The following COPS2 variants were observed in gnomAD, a reference collection of about 807,000 sequenced individuals.
COPS2 encodes COP9 signalosome subunit 2.
A neutral mutation model predicts 66.1 loss-of-function variants in COPS2; 10 were observed. That is an observed-to-expected ratio of 0.15 (90% CI 0.09 to 0.26). COPS2 has a LOEUF of 0.26. COPS2 is among the 10% of genes least tolerant of loss of function. The probability of loss-of-function intolerance (pLI) is 1.00; values close to 1 mark genes in which losing one functional copy is unlikely to be tolerated. For missense variants in COPS2, 215 were observed against 513.3 expected (o/e 0.42, Z 5.62); for synonymous variants, 179 against 171.3 (o/e 1.04, Z -0.35).
intron 10 of COPS2, 91 bp downstream of exon 10, chr15:49,130,628 A>G (rs2084200771): frequency 1.4e-6 from 1 of 693,096 alleles, no homozygotes; most frequent in African/African-American, 1.8e-5. Flanking sequence ...GACAGAAAGA[A>G]AACAGCTTAA....
chr15:49,155,380 G>T, intron 1 of COPS2, 145 bp downstream of exon 1: 2 of 705,232 alleles, frequency 2.8e-6, no homozygotes, highest in South Asian at 1.7e-5. Context: ...TGCGGGAACG[G>T]GGAGGAGGTA....
intron 1 of COPS2, among the ~76,000 whole-genome samples, 159 bp downstream of exon 1, chr15:49,155,366 C>G (rs1358024610): frequency 6.6e-6 from 1 of 152,176 alleles, no homozygotes; most frequent in Non-Finnish European, 1.5e-5. Flanking sequence ...GGGCCCGGGC[C>G]CGGTGCGGGA....
Position 49,129,467 on chromosome 15 carries a change from A to C in COPS2, c.1128+10T>G, listed in dbSNP as rs2084193610. On this transcript the variant is annotated intron_variant, in intron 11 of 12. Coordinates refer to ENST00000388901, the MANE Select transcript of COPS2 (RefSeq NM_004236.4). ...TTATAAACATCATTAAAATCTATGA[A>C]TATAAGTACCTTAGAAATAAAAGGA... 8.6e-7 allele frequency: 1 copy of C among 1,156,474 alleles called. No individual in the cohort carries two copies. Among genetic ancestry groups the C allele is most frequent in the Admixed American group, 3.0e-5 (1 of 33,188 alleles). 71.6% of individuals were successfully genotyped at this position (1,156,474 alleles called of 1,614,324 possible).
intron 2 of COPS2, among the ~76,000 whole-genome samples, chr15:49,144,612 G>T (rs1342021004): frequency 1.3e-5 from 2 of 152,168 alleles, no homozygotes; most frequent in Non-Finnish European, 2.9e-5. Flanking sequence ...ATCCGTAAGT[G>T]TATCAGTAAG....
At chr15:49,144,539 CTTGA>C (rs147435083) in intron 2 of COPS2, among the ~76,000 whole-genome samples, 9,411 of 152,170 alleles carry the variant, frequency 0.062, 573 homozygotes, top group African/African-American at 0.15. Context: ...AGAGCCACTT[CTTGA>C]TTATTATATA....
intron 4 of COPS2, among the ~76,000 whole-genome samples, chr15:49,138,999 C>T (rs1221831079): frequency 6.6e-6 from 1 of 152,114 alleles, no homozygotes; most frequent in Non-Finnish European, 1.5e-5. Flanking sequence ...ATAATGAAAG[C>T]ACTATCACTC....
rs996135376 is a variant in COPS2 at position 49,126,191 on chromosome 15, T to C, written c.*1759A>G. On this transcript the variant is annotated 3_prime_UTR_variant, in exon 13 of 13. Transcript: ENST00000388901. ...AAATACACATAATTTTATAATATCT[T>C]AAACTTTTATTCCCTACCATAGACA... 1.7e-4 allele frequency: 26 copies of C among 152,494 alleles called. No individual in the cohort carries two copies. The highest frequency in any genetic ancestry group is 6.0e-4 in the African/African-American group (25 of 41,448). The allele number at this position is 152,494 out of a possible 1,614,324, so 9.4% of individuals were successfully genotyped here. A position where few individuals can be genotyped will look rare whatever the true frequency, so the allele number is the denominator to read the frequency against.
intron 10 of COPS2, among the ~76,000 whole-genome samples, chr15:49,130,262 A>G (rs1055400012): frequency 6.6e-6 from 1 of 152,174 alleles, no homozygotes; most frequent in African/African-American, 2.4e-5. Flanking sequence ...GTAATTCAAT[A>G]TAACTTGCTA....
At chr15:49,147,242 A>G (rs1217680933) in intron 1 of COPS2, among the ~76,000 whole-genome samples, 1 of 152,218 alleles carries the variant, frequency 6.6e-6, no homozygotes, top group East Asian at 1.9e-4. Flanking sequence ...AGATAGAGGA[A>G]TAGCTTGCTG....
chr15:49,151,430 T>C (rs1241221025), intron 1 of COPS2, among the ~76,000 whole-genome samples: 1 of 151,618 alleles, frequency 6.6e-6, no homozygotes, highest in African/African-American at 2.4e-5. Context: ...TATTCAAATA[T>C]ATAATATCCT....
chr15:49,144,107 C>T, intron 3 of COPS2, 120 bp downstream of exon 3: 1 of 709,552 alleles, frequency 1.4e-6, no homozygotes, highest in South Asian at 1.6e-5. Flanking sequence ...GCAGAGCAGA[C>T]TAAATATAAA....
chr15:49,148,429 A>C (rs1404159005), intron 1 of COPS2, among the ~76,000 whole-genome samples: 1 of 152,244 alleles, frequency 6.6e-6, no homozygotes, highest in Non-Finnish European at 1.5e-5. Flanking sequence ...AAGTATGAAT[A>C]GGAATCGCCA....
At chr15:49,132,714 C>A (rs1229432467) in intron 9 of COPS2, among the ~76,000 whole-genome samples, 1 of 151,728 alleles carries the variant, frequency 6.6e-6, no homozygotes, top group East Asian at 1.9e-4. Flanking sequence ...GAATAAAACC[C>A]ACAAAAACCC....
intron 10 of COPS2, among the ~76,000 whole-genome samples, chr15:49,130,309 G>A (rs564079293): frequency 6.6e-6 from 1 of 152,118 alleles, no homozygotes; most frequent in Non-Finnish European, 1.5e-5. Flanking sequence ...AACCTTCACA[G>A]TGTTGCCTTA....
At chr15:49,154,851 T>C (rs2084402345) in intron 1 of COPS2, among the ~76,000 whole-genome samples, 1 of 152,208 alleles carries the variant, frequency 6.6e-6, no homozygotes, top group African/African-American at 2.4e-5. Flanking sequence ...TCAATTATCT[T>C]TCACCCGTCC....
chr15:49,128,804 C>T, intron 11 of COPS2, 44 bp from the exon 12 acceptor site: 2 of 1,262,414 alleles, frequency 1.6e-6, no homozygotes, highest in East Asian at 2.4e-5. Context: ...ATTTTAAAGA[C>T]TTCATAATTT....
At chr15:49,147,718 A>C (rs2141132591) in intron 1 of COPS2, among the ~76,000 whole-genome samples, 1 of 127,634 alleles carries the variant, frequency 7.8e-6, no homozygotes, top group African/African-American at 2.8e-5. Flanking sequence ...TTTAGATGTT[A>C]CAACTCCAAA....
intron 3 of COPS2, among the ~76,000 whole-genome samples, chr15:49,141,076 G>C (rs2084286940): frequency 6.6e-6 from 1 of 152,018 alleles, no homozygotes; most frequent in Non-Finnish European, 1.5e-5. Context: ...GTAAATGATA[G>C]GTGACATCCT....
intron 1 of COPS2, 37 bp downstream of exon 1, chr15:49,155,488 C>T (rs763310748): frequency 6.2e-6 from 10 of 1,609,186 alleles, no homozygotes; most frequent in Non-Finnish European, 7.7e-6. Context: ...AAACAAGACA[C>T]ATCACCACCC....
Sources: gnomAD v4.1 joint callset for allele counts (sites outside exome capture counted in the v4.1 genomes callset) on GRCh38, gnomAD v4.1.1 for gene constraint, MANE v1.5 for transcripts, NCBI Gene and HGNC (gene_info 2026-07-23, HGNC 2026-07-21) for gene names.